DACH2: variants seen among roughly 807,000 people sequenced by gnomAD.
DACH2 encodes dachshund homolog 2.
In DACH2, 17 loss-of-function variants were observed where a neutral mutation model predicts 35.8. The observed-to-expected ratio is 0.48, with a 90% confidence interval of 0.33 to 0.71. DACH2 has a LOEUF of 0.71. Ranked by LOEUF, DACH2 falls within the 30% of genes least tolerant of loss-of-function variation. The probability of loss-of-function intolerance (pLI) is 0.02; values close to 1 mark genes in which losing one functional copy is unlikely to be tolerated. For missense variants in DACH2, 469 were observed against 472.7 expected (o/e 0.99, Z 0.07); for synonymous variants, 195 against 177.3 (o/e 1.10, Z -0.79).
At chrX:86,149,624 TC>T (rs1239661763) in intron 1 of DACH2, among the ~76,000 whole-genome samples, 1 of 111,422 alleles carries the variant, frequency 9.0e-6, no homozygotes, top group African/African-American at 3.3e-5. Flanking sequence ...TCGATCCCCA[TC>T]CCGTGTGTTT....
At chrX:86,397,682 C>T (rs1329156672) in intron 2 of DACH2, among the ~76,000 whole-genome samples, 1 of 111,767 alleles carries the variant, frequency 8.9e-6, no homozygotes, top group Non-Finnish European at 1.9e-5. Context: ...TGTTTATATG[C>T]TGGATTACAT....
intron 6 of DACH2, among the ~76,000 whole-genome samples, chrX:86,716,772 A>G (rs2041341648): frequency 8.9e-6 from 1 of 112,216 alleles, no homozygotes; most frequent in African/African-American, 3.2e-5. Context: ...TGGTCCTGGA[A>G]ATGGAAAAGA....
chrX:86,421,550 T>C (rs1948663106), intron 2 of DACH2, among the ~76,000 whole-genome samples: 1 of 111,590 alleles, frequency 9.0e-6, no homozygotes, highest in Non-Finnish European at 1.9e-5. Context: ...AAATTTTCTT[T>C]GCCTTTTTCA....
intron 3 of DACH2, among the ~76,000 whole-genome samples, chrX:86,619,882 C>T (rs2040049810): frequency 8.9e-6 from 1 of 112,088 alleles, no homozygotes; most frequent in South Asian, 3.7e-4. Flanking sequence ...AATGCTTACA[C>T]TACAAAGCCA....
intron 11 of DACH2, chrX:86,830,537 A>C (rs1196125643): frequency 2.7e-5 from 3 of 111,659 alleles, no homozygotes; most frequent in African/African-American, 6.5e-5. Context: ...GATGTGGGCA[A>C]ATATTTCTGT....
chrX:86,473,855 C>T (rs1222356739), intron 2 of DACH2, among the ~76,000 whole-genome samples: 1 of 108,426 alleles, frequency 9.2e-6, no homozygotes, highest in African/African-American at 3.4e-5. Context: ...CTTTGGTTTA[C>T]CGATTTCCTT....
intron 2 of DACH2, among the ~76,000 whole-genome samples, chrX:86,469,284 G>A (rs193221886): frequency 3.6e-5 from 4 of 110,928 alleles, no homozygotes; most frequent in African/African-American, 9.8e-5. Context: ...TCTATTGTAC[G>A]TCATGGTGAC....
intron 1 of DACH2, among the ~76,000 whole-genome samples, chrX:86,297,606 G>A (rs2034493387): frequency 8.9e-6 from 1 of 112,056 alleles, no homozygotes. Context: ...AGGTGAATCA[G>A]GGGCTAAGTG....
At chrX:86,374,588 C>T (rs772563763) in intron 1 of DACH2, among the ~76,000 whole-genome samples, 2 of 111,149 alleles carry the variant, frequency 1.8e-5, no homozygotes, top group East Asian at 2.9e-4. Context: ...TCTGCCACAA[C>T]GTTCTTGACT....
chrX:86,546,560 G>A (rs1370460257), intron 3 of DACH2, among the ~76,000 whole-genome samples: 1 of 94,062 alleles, frequency 1.1e-5, no homozygotes, highest in Admixed American at 1.3e-4. Flanking sequence ...TGTCACCCAG[G>A]CCGTAGTGCA....
intron 1 of DACH2, among the ~76,000 whole-genome samples, chrX:86,256,114 A>G (rs2033514590): frequency 1.8e-5 from 2 of 111,434 alleles, no homozygotes; most frequent in African/African-American, 6.5e-5. Flanking sequence ...TTAAAAAAAG[A>G]ATATAACAAA....
chrX:86,719,023 T>C (rs2041369833), intron 6 of DACH2, among the ~76,000 whole-genome samples: 1 of 112,256 alleles, frequency 8.9e-6, no homozygotes, highest in African/African-American at 3.2e-5. Context: ...AAAATGAATT[T>C]TTTTATGGAT....
rs188650474 is a variant in DACH2, at chrX:86,465,928, A to G, written c.528-48351A>G. Among the ~76,000 whole-genome samples the G allele has an allele frequency of 6.3e-5, 7 of 111,814 alleles. No homozygotes were observed. In the East Asian group the frequency reaches 1.4e-3, roughly 23 times the overall value. On this transcript the variant is annotated intron_variant, in intron 2 of 11. Coordinates refer to ENST00000373125, the MANE Select transcript of DACH2 (RefSeq NM_053281.3). ...CTATGTGATTTTTCATAGCTGTACA[A>G]TCGATATGCAAACCTAACATTGTGG...
intron 7 of DACH2, among the ~76,000 whole-genome samples, chrX:86,765,614 T>A (rs751130365): frequency 9.2e-6 from 1 of 108,933 alleles, no homozygotes; most frequent in South Asian, 4.0e-4. Flanking sequence ...GCCAATACCA[T>A]GGTGTTTTGC....
Position 86,289,277 on chromosome X carries a change from C to T in DACH2, c.489-87547C>T, listed in dbSNP as rs763606386. Among the ~76,000 whole-genome samples, 6 of 106,201 alleles carry T rather than the reference C, an allele frequency of 5.6e-5. No homozygotes were observed. In the East Asian group the frequency reaches 1.2e-3, roughly 22 times the overall value. 92.2% of individuals were successfully genotyped at this position (106,201 alleles called of 115,157 possible). On this transcript the variant is annotated intron_variant, in intron 1 of 11. Transcript: ENST00000373125. ...AAGATGCAAGACAAAGTCCTCCTCA[C>T]TCTTATCTCTCCTCTCCTCAAGCAG...
intron 3 of DACH2, among the ~76,000 whole-genome samples, chrX:86,523,822 G>A (rs145688687): frequency 2.2e-3 from 239 of 110,831 alleles, no homozygotes; most frequent in African/African-American, 7.5e-3. Flanking sequence ...GAGCAATTGG[G>A]GAAGTCACAA....
intron 2 of DACH2, among the ~76,000 whole-genome samples, chrX:86,398,665 G>A (rs990754196): frequency 1.8e-5 from 2 of 111,530 alleles, no homozygotes; most frequent in Non-Finnish European, 3.8e-5. Context: ...GTTATTCAGG[G>A]GCAGGTTGTT....
At chrX:86,781,245 C>T (rs1007339346) in intron 7 of DACH2, among the ~76,000 whole-genome samples, 2 of 111,356 alleles carry the variant, frequency 1.8e-5, no homozygotes, top group Admixed American at 9.6e-5. Flanking sequence ...TCACTCAGGG[C>T]GATCTTAGCA....
At chrX:86,806,263 G>A (rs2042343841) in intron 7 of DACH2, among the ~76,000 whole-genome samples, 1 of 110,697 alleles carries the variant, frequency 9.0e-6, no homozygotes, top group Admixed American at 9.7e-5. Flanking sequence ...AGAAGGCAAA[G>A]GGGAAGCAAG....
Sources: gnomAD v4.1 joint callset for allele counts (sites outside exome capture counted in the v4.1 genomes callset) on GRCh38, gnomAD v4.1.1 for gene constraint, MANE v1.5 for transcripts, NCBI Gene and HGNC (gene_info 2026-07-23, HGNC 2026-07-21) for gene names.